Variants in INPP5A observed in about 807,000 individuals in gnomAD.
The protein encoded by INPP5A is inositol polyphosphate-5-phosphatase A, also known as 43 kDa inositol polyphosphate 5-phophatase.
In INPP5A, 14 loss-of-function variants were observed where a neutral mutation model predicts 65.2. That is an observed-to-expected ratio of 0.21 (90% CI 0.14 to 0.34). The LOEUF (loss-of-function observed/expected upper bound fraction) is 0.34, where lower values mean the gene tolerates loss of function less well. INPP5A is among the 10% of genes least tolerant of loss of function. INPP5A has a pLI of 1.00. For missense variants in INPP5A, 431 were observed against 545.6 expected, an observed-to-expected ratio of 0.79 and a Z score of 2.09; for synonymous variants, 207 against 208.3, an observed-to-expected ratio of 0.99 and a Z score of 0.05.
rs894202616 is a variant in INPP5A at position 132,644,922 on chromosome 10, G to A, written c.118-946G>A. Among the ~76,000 whole-genome samples the A allele has an allele frequency of 6.6e-6, 1 of 152,156 alleles. No individual in the cohort carries two copies. Among genetic ancestry groups the A allele is most frequent in the Non-Finnish European group, 1.5e-5 (1 of 68,024 alleles). ...GACTCCCATGAGTGGCGAGGTGTGC[G>A]GTGTGGGGCAGTGGCTGGACTGACA... On this transcript the variant is annotated intron_variant, in intron 2 of 15. Transcript: ENST00000368594. This position sits in a 1 kb window ranked among gnomAD's most constrained non-coding sequence, Gnocchi z 6.5.
In INPP5A at chr10:132,705,016, G is replaced by A. The variant is rs1048745351; in HGVS notation, c.475-3297G>A. ...GGAGTGTGGAGGATGGAGGAAGGGC[G>A]TCTGGACAGGTGGCAGGCGGCTCGT... On this transcript the variant is annotated intron_variant, in intron 6 of 15. Coordinates refer to ENST00000368594, the MANE Select transcript of INPP5A (RefSeq NM_005539.5). The surrounding 1 kb of genome is among the most constrained non-coding windows in gnomAD (Gnocchi z 4.9). 8.5e-5 allele frequency among the ~76,000 whole-genome samples: 13 copies of A among 152,196 alleles called. No individual in the cohort carries two copies. Among genetic ancestry groups the A allele is most frequent in the South Asian group, 2.1e-4 (1 of 4,820 alleles).
chr10:132,655,486 C>T (rs934229858), intron 4 of INPP5A, among the ~76,000 whole-genome samples: 7 of 152,234 alleles, frequency 4.6e-5, no homozygotes, highest in East Asian at 1.9e-4. Flanking sequence ...TCTTGTCTGC[C>T]GGGCACGCAG....
At chr10:132,574,034 G>T (rs71481926) in intron 1 of INPP5A, among the ~76,000 whole-genome samples, 5 of 44,580 alleles carry the variant, frequency 1.1e-4, no homozygotes, top group Non-Finnish European at 1.6e-4. Context: ...ACGTGCCGTG[G>T]GAGGTTTTGT....
intron 2 of INPP5A, among the ~76,000 whole-genome samples, chr10:132,614,657 CGCT>C (rs1485455067): frequency 6.6e-6 from 1 of 152,226 alleles, no homozygotes; most frequent in Non-Finnish European, 1.5e-5. Context: ...AGCCAGCCCC[CGCT>C]GCTGTCTTCA....
At chr10:132,729,043 C>G (rs987401810) in intron 9 of INPP5A, among the ~76,000 whole-genome samples, 1 of 145,122 alleles carries the variant, frequency 6.9e-6, no homozygotes, top group Non-Finnish European at 1.5e-5. Context: ...GACTCCAGGG[C>G]CTGTGGGGCT....
intron 11 of INPP5A, among the ~76,000 whole-genome samples, chr10:132,752,124 G>GTCTGGGTGGAGGCGGCTGCCCAGGAGGCA (rs1564999674): frequency 1.2e-4 from 18 of 151,990 alleles, no homozygotes; most frequent in South Asian, 6.2e-4. Context: ...CCCAGGAGGC[G>GTCTGGGTGGAGGCGGCTGCCCAGGAGGCA]TCTGGGTGGA....
At chr10:132,586,655 C>T (rs983840509) in intron 1 of INPP5A, among the ~76,000 whole-genome samples, 3 of 152,260 alleles carry the variant, frequency 2.0e-5, no homozygotes, top group Admixed American at 6.5e-5. Context: ...TGGCTGGTTA[C>T]GGATACGTGC....
chr10:132,744,885 C>T (rs1051053017), intron 9 of INPP5A, among the ~76,000 whole-genome samples: 4 of 152,202 alleles, frequency 2.6e-5, no homozygotes, highest in African/African-American at 9.6e-5. Context: ...TTTGTGCAGC[C>T]GCCATGTTAG....
At chr10:132,643,517 A>G (rs369409855) in intron 2 of INPP5A, among the ~76,000 whole-genome samples, 2 of 152,248 alleles carry the variant, frequency 1.3e-5, no homozygotes, top group East Asian at 3.8e-4. Context: ...ATTAAATGAA[A>G]TAAAATTAAA....
chr10:132,670,264 C>G (rs2072869297), intron 4 of INPP5A, among the ~76,000 whole-genome samples: 1 of 107,238 alleles, frequency 9.3e-6, no homozygotes, highest in Admixed American at 9.2e-5. Context: ...ACCCCACACC[C>G]CTGACCCCAC....
chr10:132,672,694 G>C lies in INPP5A; in HGVS notation c.307-17698G>C, dbSNP rs112725740. On this transcript the variant is annotated intron_variant, in intron 4 of 15. Transcript: ENST00000368594. Reference sequence around the variant, plus strand: ...GCAGTGTGAAAACAAACTAATACAAGGTCTTTCCTAAGTTTGGAAAAACGT... The same window carrying C: ...GCAGTGTGAAAACAAACTAATACAACGTCTTTCCTAAGTTTGGAAAAACGT... Among the ~76,000 whole-genome samples, 320 of 152,238 alleles carry C rather than the reference G, an allele frequency of 2.1e-3. 4 individuals carry two copies. Among genetic ancestry groups the C allele is most frequent in the African/African-American group, 6.3e-3 (262 of 41,522 alleles).
chr10:132,692,593 G>A (rs1278247640), intron 5 of INPP5A, among the ~76,000 whole-genome samples: 1 of 152,122 alleles, frequency 6.6e-6, no homozygotes, highest in Non-Finnish European at 1.5e-5. Context: ...AAAGGAACAA[G>A]GATAACAATT....
intron 1 of INPP5A, among the ~76,000 whole-genome samples, chr10:132,605,791 GT>G (rs2071841785): frequency 1.3e-5 from 2 of 152,124 alleles, no homozygotes; most frequent in South Asian, 4.1e-4. Flanking sequence ...TTTTTTTCAC[GT>G]TTCTTCTCTT....
chr10:132,763,597 G>A (rs1156869046), intron 11 of INPP5A, among the ~76,000 whole-genome samples: 2 of 150,478 alleles, frequency 1.3e-5, no homozygotes, highest in African/African-American at 4.9e-5. Flanking sequence ...ACATAAACAT[G>A]CCTGCATGCA....
intron 1 of INPP5A, among the ~76,000 whole-genome samples, chr10:132,542,863 G>A (rs2070924115): frequency 6.6e-6 from 1 of 152,180 alleles, no homozygotes; most frequent in South Asian, 2.1e-4. Context: ...GAGTGCGGTG[G>A]CTCACTGTAG....
chr10:132,658,556 G>A (rs964140702), intron 4 of INPP5A, among the ~76,000 whole-genome samples: 27 of 152,204 alleles, frequency 1.8e-4, no homozygotes, highest in Admixed American at 6.5e-5. Context: ...CTGAGCAGAC[G>A]GGTGTTTCCT....
intron 1 of INPP5A, among the ~76,000 whole-genome samples, chr10:132,596,935 G>GCATGTGCGCGTGTGTGCACA (rs2071705364): frequency 7.7e-5 from 2 of 26,026 alleles, no homozygotes; most frequent in African/African-American, 2.0e-4. Flanking sequence ...GCATGTGCAC[G>GCATGTGCGCGTGTGTGCACA]CATGTGTGCG....
At chr10:132,720,189 G>A (rs1440437304) in intron 8 of INPP5A, among the ~76,000 whole-genome samples, 2 of 148,694 alleles carry the variant, frequency 1.3e-5, no homozygotes, top group African/African-American at 2.5e-5. Flanking sequence ...CACCTTAGAC[G>A]GCTGTCTTGT....
At chr10:132,757,781 CCCCACAGCCCAGCACCA>C in intron 11 of INPP5A, among the ~76,000 whole-genome samples, 1 of 133,876 alleles carries the variant, frequency 7.5e-6, no homozygotes, top group Non-Finnish European at 1.7e-5. Context: ...CCCTGGCTGA[CCCCACAGCCCAGCACCA>C]TGGCGTGGGT....
Sources: gnomAD v4.1 joint callset for allele counts (sites outside exome capture counted in the v4.1 genomes callset) on GRCh38, gnomAD v4.1.1 for gene constraint, Gnocchi (gnomAD v3.1) non-coding constraint, MANE v1.5 for transcripts, NCBI Gene and HGNC (gene_info 2026-07-23, HGNC 2026-07-21) for gene names.